Variants in NOL4L observed in about 807,000 individuals in gnomAD.
NOL4L encodes the protein nucleolar protein 4-like.
In NOL4L, 7 loss-of-function variants were observed where a neutral mutation model predicts 64.5. The ratio of observed to expected loss-of-function variants is 0.11; its 90% confidence interval spans 0.06 to 0.20. The LOEUF (loss-of-function observed/expected upper bound fraction) is 0.20, where lower values mean the gene tolerates loss of function less well. Among genes scored for constraint, NOL4L ranks in the 10% least tolerant of loss-of-function variants. NOL4L has a pLI of 1.00. For missense variants in NOL4L, 680 were observed against 967.1 expected (o/e 0.70, Z 3.94); for synonymous variants, 413 against 401.0 (o/e 1.03, Z -0.36).
intron 4 of NOL4L, chr20:32,510,169 C>A: frequency 2.7e-6 from 1 of 368,142 alleles, no homozygotes; most frequent in Non-Finnish European, 5.4e-6. Flanking sequence ...GGAGATGCAA[C>A]CATCCCAGAA....
chr20:32,492,527 C>T (rs1237899413), intron 4 of NOL4L, among the ~76,000 whole-genome samples: 1 of 152,162 alleles, frequency 6.6e-6, no homozygotes, highest in Non-Finnish European at 1.5e-5. Context: ...CTTGGCTGAG[C>T]TGTGAAACTG....
chr20:32,565,668 A>G (rs1979384161), intron 1 of NOL4L, among the ~76,000 whole-genome samples: 1 of 152,110 alleles, frequency 6.6e-6, no homozygotes, highest in African/African-American at 2.4e-5. Flanking sequence ...CATCTTCCTC[A>G]TGGGGTTCTT....
Position 32,493,003 on chromosome 20 carries a change from G to A in NOL4L, c.700-18261C>T, listed in dbSNP as rs557840147. On this transcript the variant is annotated intron_variant, in intron 4 of 10. Transcript: ENST00000621426. ...CCAGCAGAGCAGGAGGAATCCACCA[G>A]TGCGAGTCAGATGCAGCCAGAGATT... Among the ~76,000 whole-genome samples, 103 of 146,016 alleles carry A rather than the reference G, an allele frequency of 7.1e-4. 2 individuals are homozygous for A. Among genetic ancestry groups the A allele is most frequent in the Admixed American group, 6.8e-3 (100 of 14,634 alleles).
intron 1 of NOL4L, among the ~76,000 whole-genome samples, chr20:32,573,377 G>GTCAT (rs576022417): frequency 6.6e-6 from 1 of 151,732 alleles, no homozygotes; most frequent in Non-Finnish European, 1.5e-5. Context: ...TTGCTTCAAG[G>GTCAT]TCATTCAGCT....
At chr20:32,532,042 C>T (rs1406387419) in intron 1 of NOL4L, among the ~76,000 whole-genome samples, 1 of 152,208 alleles carries the variant, frequency 6.6e-6, no homozygotes, top group African/African-American at 2.4e-5. Context: ...CCCATGTGGC[C>T]TGTCTCTTCC....
intron 1 of NOL4L, among the ~76,000 whole-genome samples, chr20:32,560,749 GCCAAACCACAGTT>G (rs1400377288): frequency 1.3e-5 from 2 of 152,228 alleles, no homozygotes; most frequent in African/African-American, 2.4e-5. Flanking sequence ...GAACCTGTGC[GCCAAACCACAGTT>G]CTATCCTGGA....
At chr20:32,535,413 G>A (rs951655854) in intron 1 of NOL4L, 9 of 168,622 alleles carry the variant, frequency 5.3e-5, no homozygotes, top group African/African-American at 1.9e-4. Context: ...ACATAAACAA[G>A]GCGCTGAGGA....
At chr20:32,576,723 C>T (rs985659878) in intron 1 of NOL4L, among the ~76,000 whole-genome samples, 9 of 152,328 alleles carry the variant, frequency 5.9e-5, no homozygotes, top group African/African-American at 2.2e-4. Flanking sequence ...CGACTCCCGT[C>T]TGCTAGCCCA....
At chr20:32,572,121 C>T (rs369489414) in intron 1 of NOL4L, among the ~76,000 whole-genome samples, 16 of 152,272 alleles carry the variant, frequency 1.1e-4, no homozygotes, top group Middle Eastern at 3.4e-3. Context: ...AGAAGGATGG[C>T]GATTTAAGGA....
intron 1 of NOL4L, among the ~76,000 whole-genome samples, chr20:32,545,034 G>C (rs568266951): frequency 1.2e-4 from 18 of 152,326 alleles, no homozygotes; most frequent in South Asian, 4.1e-4. Flanking sequence ...CTAAGCAGGA[G>C]GTCTCAGGCC....
chr20:32,474,494 G>A, intron 5 of NOL4L, 107 bp downstream of exon 5: 2 of 1,371,870 alleles, frequency 1.5e-6, no homozygotes. Context: ...AAAGGCCTTG[G>A]CCCAGATTCC....
intron 1 of NOL4L, among the ~76,000 whole-genome samples, chr20:32,528,945 A>G (rs1326575533): frequency 6.6e-6 from 1 of 152,242 alleles, no homozygotes; most frequent in Non-Finnish European, 1.5e-5. Flanking sequence ...ACACATCTCC[A>G]AGAGAATTCT....
chr20:32,492,549 C>T (rs1211604188), intron 4 of NOL4L, among the ~76,000 whole-genome samples: 4 of 152,122 alleles, frequency 2.6e-5, no homozygotes, highest in Non-Finnish European at 5.9e-5. Context: ...GTGATGCGTG[C>T]TCTTTTCTGA....
At chr20:32,513,528 T>C (rs1686374394) in intron 3 of NOL4L, among the ~76,000 whole-genome samples, 1 of 152,108 alleles carries the variant, frequency 6.6e-6, no homozygotes, top group South Asian at 2.1e-4. Context: ...AAATAGATAG[T>C]GGTGATGATT....
intron 1 of NOL4L, among the ~76,000 whole-genome samples, chr20:32,538,484 TCCCTCCC>T (rs2018594279): frequency 1.4e-5 from 1 of 72,978 alleles, no homozygotes; most frequent in African/African-American, 4.6e-5. Flanking sequence ...CCTCCCTCCC[TCCCTCCC>T]TCCCTCCCTC....
At chr20:32,503,962 G>C (rs553993552) in intron 4 of NOL4L, among the ~76,000 whole-genome samples, 1 of 151,870 alleles carries the variant, frequency 6.6e-6, no homozygotes. Flanking sequence ...ATTTAAGAAG[G>C]CCCATCTGAG....
At chr20:32,541,380 G>C (rs1192129207) in intron 1 of NOL4L, among the ~76,000 whole-genome samples, 1 of 152,238 alleles carries the variant, frequency 6.6e-6, no homozygotes, top group East Asian at 1.9e-4. Context: ...AGCAGGCACT[G>C]AATGTGTCAG....
At chr20:32,575,109 G>A (rs1225100453) in intron 1 of NOL4L, among the ~76,000 whole-genome samples, 1 of 152,060 alleles carries the variant, frequency 6.6e-6, no homozygotes, top group Non-Finnish European at 1.5e-5. Context: ...CAGAATCTGA[G>A]CGTTCCTTCT....
chr20:32,543,570 G>A (rs2018689153), intron 1 of NOL4L, among the ~76,000 whole-genome samples: 1 of 151,936 alleles, frequency 6.6e-6, no homozygotes, highest in East Asian at 1.9e-4. Flanking sequence ...AGCGAGCTGA[G>A]ATCGTGCCAT....
Sources: allele counts gnomAD v4.1 joint callset (sites outside exome capture counted in the v4.1 genomes callset), GRCh38; gene constraint gnomAD v4.1.1; transcripts MANE v1.5; gene names NCBI Gene and HGNC (gene_info 2026-07-23, HGNC 2026-07-21).